The following PTPN13 variants were observed in gnomAD, a reference collection of about 807,000 sequenced individuals.
PTPN13 encodes the protein tyrosine-protein phosphatase non-receptor type 13.
A neutral mutation model predicts 284.0 loss-of-function variants in PTPN13; 191 were observed. The observed-to-expected ratio is 0.67, with a 90% CI of 0.60 to 0.76. The LOEUF is 0.76. PTPN13 is among the 30% of genes least tolerant of loss of function. PTPN13 has a pLI of 0.00. For synonymous variants in PTPN13, 986 were observed against 1,022.3 expected (o/e 0.96, Z 0.68); for missense variants, 2,797 against 2,939.9 (o/e 0.95, Z 1.12).
Position 86,774,412 on chromosome 4 carries a change from G to A in PTPN13, c.5389G>A (p.Gly1797Arg), listed in dbSNP as rs1740364776. The change falls in exon 33 of 48, where the codon GGA becomes AGA. Residue 1797 changes from glycine to arginine, a missense_variant. By Grantham distance (125) the Gly-to-Arg change is moderately radical. Transcript: ENST00000411767. Reference protein sequence around the residue: ...LLITLIKSEKGSLGFTVTKGN... With the variant: ...LLITLIKSEKRSLGFTVTKGN... ...CATTACCCTAATTAAATCAGAAAAA[G>A]GAAGCCTGGGTTTTACAGTAACCAA... is the stretch of plus-strand genomic sequence containing the variant. 6.2e-7 allele frequency: 1 copy of A among 1,606,794 alleles called. No individual in the cohort carries two copies. The highest frequency in any genetic ancestry group is 8.5e-7 in the Non-Finnish European group (1 of 1,176,452).
chr4:86,784,451 G>T lies in PTPN13; in HGVS notation c.6025-14G>T, dbSNP rs1021791317. 2 of 1,580,972 alleles carry T rather than the reference G, an allele frequency of 1.3e-6. No homozygotes were observed. Among genetic ancestry groups the T allele is most frequent in the Non-Finnish European group, 8.6e-7 (1 of 1,159,458 alleles). On this transcript the variant is annotated splice_polypyrimidine_tract_variant and intron_variant, in intron 37 of 47. Transcript: ENST00000411767. ...AAATACTATCTGATGATTTGCTTTG[G>T]TTTTATGCTTTAGGTTGCTGGGGAA...
intron 7 of PTPN13, among the ~76,000 whole-genome samples, chr4:86,708,901 C>A (rs1013947672): frequency 6.6e-6 from 1 of 151,772 alleles, no homozygotes; most frequent in Non-Finnish European, 1.5e-5. Flanking sequence ...CCATATCACA[C>A]CTCATACTAT....
intron 2 of PTPN13, among the ~76,000 whole-genome samples, chr4:86,658,964 A>T (rs1167970570): frequency 6.6e-6 from 1 of 152,188 alleles, no homozygotes; most frequent in Non-Finnish European, 1.5e-5. Context: ...CAGTAAAAAT[A>T]AGGTCAGAAT....
intron 16 of PTPN13, 43 bp from the exon 17 acceptor site, chr4:86,744,923 C>A (rs1425092418): frequency 1.5e-6 from 2 of 1,369,604 alleles, no homozygotes; most frequent in Non-Finnish European, 1.0e-6. Flanking sequence ...TAAATAATAT[C>A]TCTACTTACT....
At chr4:86,705,262 AG>A (rs1370276578) in intron 7 of PTPN13, among the ~76,000 whole-genome samples, 2 of 146,308 alleles carry the variant, frequency 1.4e-5, no homozygotes, top group Non-Finnish European at 3.0e-5. Context: ...TGAACCTATG[AG>A]GCAGAGGTTG....
At chr4:86,752,144 C>G (rs956208257) in intron 19 of PTPN13, among the ~76,000 whole-genome samples, 2 of 152,042 alleles carry the variant, frequency 1.3e-5, no homozygotes, top group Non-Finnish European at 2.9e-5. Context: ...TATGAAACAG[C>G]GTGGGAAACA....
At chr4:86,804,746 T>C (rs1744472129) in intron 43 of PTPN13, among the ~76,000 whole-genome samples, 1 of 152,244 alleles carries the variant, frequency 6.6e-6, no homozygotes, top group Non-Finnish European at 1.5e-5. Context: ...CAAAATCTTA[T>C]CTTCTTGCTC....
chr4:86,680,347 CTCTATCTA>C (rs56694637), intron 3 of PTPN13, among the ~76,000 whole-genome samples: 13,557 of 142,550 alleles, frequency 0.095, 748 homozygotes, highest in Admixed American at 0.17. Flanking sequence ...TTCTATCTAT[CTCTATCTA>C]TCTATCTATC....
At chr4:86,652,674 T>C (rs1725231280) in intron 2 of PTPN13, among the ~76,000 whole-genome samples, 1 of 152,202 alleles carries the variant, frequency 6.6e-6, no homozygotes, top group Non-Finnish European at 1.5e-5. Flanking sequence ...TTTCTCTTGC[T>C]GCTTTTAGGA....
At chr4:86,659,165 G>A (rs1220753633) in intron 2 of PTPN13, among the ~76,000 whole-genome samples, 1 of 152,006 alleles carries the variant, frequency 6.6e-6, no homozygotes, top group African/African-American at 2.4e-5. Context: ...TCTATGACCT[G>A]CATTAGAAGG....
Position 86,717,049 on chromosome 4 carries a change from G to A in PTPN13, c.1317G>A (p.Arg439=), listed in dbSNP as rs1387236876. The A allele has an allele frequency of 6.2e-7, 1 of 1,612,984 alleles. No homozygotes were observed. The highest frequency in any genetic ancestry group is 2.2e-5 in the East Asian group (1 of 44,878). ...TGAGAAGAAGTGAAGCCTCAAAGAG[G>A]TTTGAATCCAGCAGTGGTCTCCCAG... ...RQVRRSEASK[R]FESSSGLPGV... Residue 439 remains arginine, a synonymous_variant, in exon 9 of 48, where the codon AGG becomes AGA. Transcript: ENST00000411767.
chr4:86,731,323 T>C (rs2149125668), intron 10 of PTPN13, among the ~76,000 whole-genome samples: 1 of 152,294 alleles, frequency 6.6e-6, no homozygotes, highest in South Asian at 2.1e-4. Flanking sequence ...AGTTGTCTCC[T>C]AAACTAGTTC....
rs377345878 is a variant in PTPN13, at chr4:86,701,639, T to A, written c.1033T>A (p.Ser345Thr). The A allele has an allele frequency of 3.7e-6, 6 of 1,613,888 alleles. No individual in the cohort carries two copies. The highest frequency in any genetic ancestry group is 1.1e-5 in the South Asian group (1 of 91,076). Residue 345 changes from serine to threonine, a missense_variant, in exon 7 of 48, where the codon TCA (serine) becomes ACA (threonine). By Grantham distance (58) the Ser-to-Thr change is moderately conservative. Transcript: ENST00000411767. ...TTPRKKEARY[S>T]DGSIALDIFG... ...TCCTAGAAAAAAGGAGGCAAGATAC[T>A]CAGATGGAAGTATAGCCTTGGATAT...
At chr4:86,741,845 A>G in intron 16 of PTPN13, 29 bp downstream of exon 16, 1 of 1,535,756 alleles carries the variant, frequency 6.5e-7, no homozygotes, top group Non-Finnish European at 8.8e-7. Flanking sequence ...TTTTCATTAT[A>G]TTTTCAAATG....
rs751468957 is a variant in PTPN13, at chr4:86,767,920, G to A, written c.4433G>A (p.Gly1478Asp). The change falls in exon 28 of 48, where the codon GGC (glycine) becomes GAC (aspartate). Residue 1478 changes from glycine to aspartate, a missense_variant. Transcript: ENST00000411767. ...TLSDQNAQGQGPEKVKKTTQV... is the reference protein window; with the variant it reads ...TLSDQNAQGQDPEKVKKTTQV... ...TCAGATCAGAATGCCCAAGGTCAAG[G>A]CCCAGAAAAAGTGAAGAAAACAACT... 13 of 1,610,298 alleles carry A rather than the reference G, an allele frequency of 8.1e-6. No individual in the cohort carries two copies. The highest frequency in any genetic ancestry group is 1.0e-5 in the Non-Finnish European group (12 of 1,178,254).
At chr4:86,696,986 C>A (rs1730656331) in intron 6 of PTPN13, among the ~76,000 whole-genome samples, 1 of 151,964 alleles carries the variant, frequency 6.6e-6, no homozygotes, top group South Asian at 2.1e-4. Flanking sequence ...CATAAAACCT[C>A]ATTTTAAGGA....
chr4:86,797,004 T>G, intron 41 of PTPN13, 75 bp downstream of exon 41: 1 of 1,007,984 alleles, frequency 9.9e-7, no homozygotes, highest in Non-Finnish European at 1.5e-6. Flanking sequence ...CCATTTGTTT[T>G]CCAGTATAAA....
At chr4:86,702,740 GAA>G (rs1565364354) in intron 7 of PTPN13, among the ~76,000 whole-genome samples, 2 of 152,054 alleles carry the variant, frequency 1.3e-5, no homozygotes, top group Non-Finnish European at 2.9e-5. Context: ...CAAGAGAAAA[GAA>G]GAGATAATTT....
chr4:86,664,322 G>C (rs1351934001), intron 2 of PTPN13, among the ~76,000 whole-genome samples: 2 of 152,130 alleles, frequency 1.3e-5, no homozygotes, highest in Non-Finnish European at 2.9e-5. Context: ...AGTATTTTCT[G>C]GGTGAATAAT....
Sources: gnomAD v4.1 joint callset for allele counts (sites outside exome capture counted in the v4.1 genomes callset) on GRCh38, gnomAD v4.1.1 for gene constraint, MANE v1.5 for transcripts, NCBI Gene and HGNC (gene_info 2026-07-23, HGNC 2026-07-21) for gene names.